CEP89: variants seen among roughly 807,000 people sequenced by gnomAD.
CEP89 encodes centrosomal protein of 89 kDa.
A neutral mutation model predicts 97.6 loss-of-function variants in CEP89; 95 were observed. The ratio of observed to expected loss-of-function variants is 0.97; its 90% confidence interval spans 0.82 to 1.15. CEP89 has a LOEUF of 1.15. CEP89 is among the 50% of genes most tolerant of loss of function. The pLI, the probability that CEP89 is intolerant of heterozygous loss-of-function variation, is 0.00. For missense variants in CEP89, 869 were observed against 947.7 expected (o/e 0.92, Z 1.09); for synonymous variants, 354 against 349.1 (o/e 1.01, Z -0.16).
intron 6 of CEP89, among the ~76,000 whole-genome samples, chr19:32,938,091 G>T (rs75602689): frequency 0.012 from 1,763 of 150,716 alleles, 42 homozygotes; most frequent in African/African-American, 0.042. Flanking sequence ...TCCTACCTTG[G>T]TCTCCCAACA....
At chr19:32,908,476 G>A (rs1272919470) in intron 14 of CEP89, among the ~76,000 whole-genome samples, 3 of 152,172 alleles carry the variant, frequency 2.0e-5, no homozygotes, top group East Asian at 1.9e-4. Flanking sequence ...CGGAAGGGGC[G>A]GTGTTTGGAG....
chr19:32,922,169 G>C (rs1283956845), intron 12 of CEP89, among the ~76,000 whole-genome samples: 2 of 152,168 alleles, frequency 1.3e-5, no homozygotes, highest in African/African-American at 4.8e-5. Flanking sequence ...GATGGAGGCA[G>C]ATGTGGAGGC....
chr19:32,941,559 C>T (rs1399370658), intron 5 of CEP89, among the ~76,000 whole-genome samples: 4 of 152,108 alleles, frequency 2.6e-5, no homozygotes, highest in Non-Finnish European at 5.9e-5. Context: ...TTGAGCAACT[C>T]GTCACTGAAG....
In CEP89 at chr19:32,949,342, C is replaced by A. The variant is rs150357032; in HGVS notation, c.493-974G>T. The stretch of plus-strand genomic sequence containing the variant: ...ATTGGCAGGAGCCTGGGGGTAGGGA[C>A]AGAGGCTGCCTAAGAGGAAGAGAAA... On this transcript the variant is annotated intron_variant, in intron 4 of 18. Transcript: ENST00000305768. Among the ~76,000 whole-genome samples the A allele has an allele frequency of 3.0e-3, 463 of 152,028 alleles. 5 individuals are homozygous for A. Among genetic ancestry groups the A allele is most frequent in the African/African-American group, 0.011 (442 of 41,504 alleles).
At chr19:32,902,010 C>CTCTCTGTGTGTGTGTGTGTG (rs1207481256) in intron 14 of CEP89, among the ~76,000 whole-genome samples, 9 of 133,806 alleles carry the variant, frequency 6.7e-5, no homozygotes, top group African/African-American at 2.0e-4. Flanking sequence ...CTCTCTCTCT[C>CTCTCTGTGTGTGTGTGTGTG]TGTGTGTGTG....
intron 12 of CEP89, among the ~76,000 whole-genome samples, chr19:32,918,946 G>A (rs548288676): frequency 6.9e-6 from 1 of 144,974 alleles, no homozygotes; most frequent in Admixed American, 7.1e-5. Context: ...GTGCAGTGGC[G>A]CAATCTCGGC....
At chr19:32,912,983 C>A (rs1164944270) in intron 14 of CEP89, among the ~76,000 whole-genome samples, 2 of 151,066 alleles carry the variant, frequency 1.3e-5, no homozygotes, top group African/African-American at 4.9e-5. Context: ...GCGGAGCCTG[C>A]AGTGAGCCGA....
chr19:32,933,374 C>T (rs1970514746), intron 8 of CEP89, 77 bp downstream of exon 8: 4 of 1,061,772 alleles, frequency 3.8e-6, no homozygotes, highest in Non-Finnish European at 5.6e-6. Flanking sequence ...AATATCACAA[C>T]ATAAAATATT....
intron 9 of CEP89, among the ~76,000 whole-genome samples, chr19:32,930,396 C>G (rs1041010519): frequency 6.6e-6 from 1 of 151,498 alleles, no homozygotes; most frequent in East Asian, 1.9e-4. Context: ...TCTGTGACTA[C>G]AATAAAAACC....
At chr19:32,966,266 T>C in intron 2 of CEP89, 94 bp downstream of exon 2, 1 of 548,240 alleles carries the variant, frequency 1.8e-6, no homozygotes, top group Non-Finnish European at 3.1e-6. Context: ...ACCACCCTAC[T>C]TATACTTTTC....
chr19:32,948,820 G>A (rs1016282231), intron 4 of CEP89, among the ~76,000 whole-genome samples: 5 of 152,026 alleles, frequency 3.3e-5, no homozygotes, highest in South Asian at 2.1e-4. Flanking sequence ...GACTTCCCAC[G>A]TGCAAGCGAT....
intron 14 of CEP89, among the ~76,000 whole-genome samples, chr19:32,908,960 G>A (rs1969945470): frequency 6.6e-6 from 1 of 152,204 alleles, no homozygotes; most frequent in African/African-American, 2.4e-5. Flanking sequence ...TGAAAAGAAG[G>A]CAAATAATGG....
chr19:32,931,158 G>A (rs998305986), intron 9 of CEP89: 10 of 412,598 alleles, frequency 2.4e-5, no homozygotes, highest in African/African-American at 6.2e-5. Context: ...TGAAAGTGCT[G>A]GGATTATAGG....
chr19:32,948,190 T>C (rs1970835580), intron 5 of CEP89, 76 bp downstream of exon 5: 2 of 785,882 alleles, frequency 2.5e-6, no homozygotes, highest in East Asian at 5.4e-5. Flanking sequence ...ATGGGTATGT[T>C]TTCCTAAAAA....
chr19:32,879,049 G>A lies in CEP89; in HGVS notation c.*113C>T, dbSNP rs1311154733. On this transcript the variant is annotated 3_prime_UTR_variant, in exon 19 of 19. Coordinates refer to ENST00000305768, the MANE Select transcript of CEP89 (RefSeq NM_032816.5). ...ATTTATTTCTTCCCTGCCCTGCAGC[G>A]TTCAGTGGGCTTACGCACCTCCGGC... is the stretch of plus-strand genomic sequence containing the variant. 3.2e-5 allele frequency: 24 copies of A among 739,354 alleles called. No individual in the cohort carries two copies. The highest frequency in any genetic ancestry group is 1.2e-4 in the East Asian group (5 of 40,030). 45.8% of individuals were successfully genotyped at this position (739,354 alleles called of 1,614,324 possible).
At chr19:32,923,832 G>A (rs1332372790) in intron 11 of CEP89, among the ~76,000 whole-genome samples, 4 of 152,066 alleles carry the variant, frequency 2.6e-5, no homozygotes, top group South Asian at 4.1e-4. Context: ...TATAACTGCC[G>A]AATACTGATA....
At chr19:32,924,131 A>C (rs1431802575) in intron 11 of CEP89, among the ~76,000 whole-genome samples, 15 of 150,990 alleles carry the variant, frequency 9.9e-5, no homozygotes, top group African/African-American at 3.7e-4. Context: ...TCAGCTTCCC[A>C]AGTACCTGTA....
intron 5 of CEP89, among the ~76,000 whole-genome samples, chr19:32,942,230 A>C (rs1235013573): frequency 6.6e-6 from 1 of 152,074 alleles, no homozygotes; most frequent in African/African-American, 2.4e-5. Context: ...AAAAATACCA[A>C]ATTAGTCGGG....
chr19:32,879,352 A>G lies in CEP89; in HGVS notation c.2162T>C (p.Ile721Thr), dbSNP rs756574888. The G allele has an allele frequency of 1.2e-6, 2 of 1,613,968 alleles. No homozygotes were observed. The highest frequency in any genetic ancestry group is 8.5e-7 in the Non-Finnish European group (1 of 1,179,906). ...NREMEGELEV[I>T]WESTFRENRR... Reference sequence around the variant, plus strand: ...GTTTTCCCTGAAGGTAGATTCCCAAATAACTTCAAGTTCACCTTCCATTTC... The same window carrying G: ...GTTTTCCCTGAAGGTAGATTCCCAAGTAACTTCAAGTTCACCTTCCATTTC... The change falls in exon 19 of 19, where the codon ATT (isoleucine) becomes ACT (threonine). Residue 721 changes from isoleucine to threonine, a missense_variant. Coordinates refer to ENST00000305768, the MANE Select transcript of CEP89 (RefSeq NM_032816.5).
Sources: gnomAD v4.1 joint callset for allele counts (sites outside exome capture counted in the v4.1 genomes callset) on GRCh38, gnomAD v4.1.1 for gene constraint, MANE v1.5 for transcripts, NCBI Gene and HGNC (gene_info 2026-07-23, HGNC 2026-07-21) for gene names.